The following SLC5A1 variants were observed in gnomAD, a reference collection of about 807,000 sequenced individuals.
SLC5A1 encodes the protein sodium/glucose cotransporter 1.
Under a neutral mutation model 73.5 loss-of-function variants are expected in SLC5A1, and 42 were observed. That is an observed-to-expected ratio of 0.57 (90% CI 0.45 to 0.74). The LOEUF (loss-of-function observed/expected upper bound fraction) is 0.74, where lower values mean the gene tolerates loss of function less well. SLC5A1 is among the 30% of genes least tolerant of loss of function. SLC5A1 has a pLI of 0.00. For missense variants in SLC5A1, 634 were observed against 855.4 expected (o/e 0.74, Z 3.23); for synonymous variants, 300 against 317.4 (o/e 0.95, Z 0.58).
chr22:32,056,842 C>A (rs1353296473), intron 2 of SLC5A1, among the ~76,000 whole-genome samples: 1 of 152,152 alleles, frequency 6.6e-6, no homozygotes, highest in Admixed American at 6.5e-5. Flanking sequence ...AAGGAGAAAA[C>A]GATGACTCTG....
At chr22:32,091,882 G>T (rs1193427722) in intron 11 of SLC5A1, 120 bp downstream of exon 11, 6 of 952,136 alleles carry the variant, frequency 6.3e-6, no homozygotes, top group Admixed American at 1.8e-5. Context: ...AATTTCTGTG[G>T]CTGGTTATAT....
At chr22:32,082,083 A>C (rs1320227398) in intron 6 of SLC5A1, 112 bp downstream of exon 6, 1 of 775,772 alleles carries the variant, frequency 1.3e-6, no homozygotes, top group East Asian at 2.5e-5. Flanking sequence ...AGATACACTC[A>C]GGTAAGAGTT....
intron 11 of SLC5A1, among the ~76,000 whole-genome samples, chr22:32,096,339 C>T (rs139391743): frequency 6.6e-6 from 1 of 152,164 alleles, no homozygotes; most frequent in Non-Finnish European, 1.5e-5. Context: ...TAAATCCAAA[C>T]AGTCTGGACA....
chr22:32,055,180 T>C (rs2093949980), intron 2 of SLC5A1, among the ~76,000 whole-genome samples: 1 of 152,170 alleles, frequency 6.6e-6, no homozygotes, highest in African/African-American at 2.4e-5. Context: ...CTTTGTTTCT[T>C]TGGGCAAGGA....
intron 2 of SLC5A1, among the ~76,000 whole-genome samples, chr22:32,061,713 G>A (rs570055839): frequency 1.3e-5 from 2 of 152,156 alleles, no homozygotes; most frequent in African/African-American, 4.8e-5. Flanking sequence ...TAGGTCCTCC[G>A]TACTGCCAAG....
At chr22:32,060,096 C>CAT (rs1277521843) in intron 2 of SLC5A1, among the ~76,000 whole-genome samples, 2 of 149,074 alleles carry the variant, frequency 1.3e-5, no homozygotes, top group South Asian at 4.2e-4. Context: ...TATACACACA[C>CAT]ATATATATAC....
chr22:32,080,866 C>T (rs375556968), intron 5 of SLC5A1, among the ~76,000 whole-genome samples: 3 of 152,060 alleles, frequency 2.0e-5, no homozygotes, highest in East Asian at 1.9e-4. Flanking sequence ...TGGTGGTGCA[C>T]ACATGTAATC....
At chr22:32,067,354 A>T (rs2105866) in intron 3 of SLC5A1, among the ~76,000 whole-genome samples, 1,510 of 149,742 alleles carry the variant, frequency 0.01, 18 homozygotes, top group Middle Eastern at 0.045. Flanking sequence ...TATTATTATT[A>T]TTTTTTTTAA....
chr22:32,051,008 CAGGGGCTGAGCTTCGA>C, intron 2 of SLC5A1, among the ~76,000 whole-genome samples: 1 of 152,326 alleles, frequency 6.6e-6, no homozygotes, highest in East Asian at 1.9e-4. Context: ...CTGTGAAGCT[CAGGGGCTGAGCTTCGA>C]AGGGGAATTC....
intron 10 of SLC5A1, 136 bp from the exon 11 acceptor site, chr22:32,091,476 A>C: frequency 1.0e-6 from 1 of 971,318 alleles, no homozygotes; most frequent in Non-Finnish European, 1.6e-6. Flanking sequence ...TAAAGCTTCT[A>C]GTCTTTTTGG....
In SLC5A1 at chr22:32,111,652, C is replaced by T. The variant is rs1341518286; in HGVS notation, c.*1439C>T. 1 of 152,078 alleles carries T rather than the reference C, an allele frequency of 6.6e-6. No individual in the cohort carries two copies. The highest frequency in any genetic ancestry group is 2.4e-5 in the African/African-American group (1 of 41,382). The allele number at this position is 152,078 out of a possible 1,614,324, so 9.4% of individuals were successfully genotyped here. A position where few individuals can be genotyped will look rare whatever the true frequency, so the allele number is the denominator to read the frequency against. On this transcript the variant is annotated 3_prime_UTR_variant, in exon 15 of 15. Transcript: ENST00000266088. Reference sequence around the variant, plus strand: ...GAGGCAAGGCAGGGTAGGGCAGGGCCTTTGGGTAGGCTGATCAGAGGGTTT... The same window carrying T: ...GAGGCAAGGCAGGGTAGGGCAGGGCTTTTGGGTAGGCTGATCAGAGGGTTT...
Position 32,095,667 on chromosome 22 carries a change from C to T in SLC5A1, c.1281-3516C>T, listed in dbSNP as rs146105028. On this transcript the variant is annotated intron_variant, in intron 11 of 14. Transcript: ENST00000266088. ...GAAACGTTAAAGAATATAAGAAGAG[C>T]TACTTGTGCTCACTTTTGGTATCCA... Among the ~76,000 whole-genome samples, 769 of 152,272 alleles carry T rather than the reference C, an allele frequency of 5.1e-3. 4 individuals carry two copies. The highest frequency in any genetic ancestry group is 0.017 in the Middle Eastern group (5 of 294).
chr22:32,094,309 G>A (rs1329367621), intron 11 of SLC5A1, among the ~76,000 whole-genome samples: 1 of 151,898 alleles, frequency 6.6e-6, no homozygotes, highest in Admixed American at 6.6e-5. Context: ...GTCTTTTTTT[G>A]TTATGTCCTT....
chr22:32,053,555 T>C (rs1292857739), intron 2 of SLC5A1, among the ~76,000 whole-genome samples: 3 of 152,188 alleles, frequency 2.0e-5, no homozygotes, highest in African/African-American at 4.8e-5. Flanking sequence ...TAGGCATCAA[T>C]TGATTGATGT....
chr22:32,058,333 T>G (rs1448437181), intron 2 of SLC5A1, among the ~76,000 whole-genome samples: 1 of 152,210 alleles, frequency 6.6e-6, no homozygotes, highest in African/African-American at 2.4e-5. Flanking sequence ...ACCAGCCTAG[T>G]CAATATAGCG....
chr22:32,059,415 C>A, intron 2 of SLC5A1: 2 of 879,572 alleles, frequency 2.3e-6, no homozygotes, highest in Non-Finnish European at 2.7e-6. Flanking sequence ...CTTTATTCTG[C>A]AGATGAGGGA....
intron 1 of SLC5A1, among the ~76,000 whole-genome samples, chr22:32,046,407 A>G (rs924546387): frequency 2.7e-5 from 4 of 147,852 alleles, no homozygotes; most frequent in African/African-American, 1.0e-4. Context: ...TCTTTAGATC[A>G]TTTGACAAAA....
intron 11 of SLC5A1, among the ~76,000 whole-genome samples, chr22:32,092,343 T>C (rs1026535632): frequency 1.3e-5 from 2 of 152,222 alleles, no homozygotes; most frequent in African/African-American, 4.8e-5. Flanking sequence ...CTTTATCCAC[T>C]TGTTGATTGA....
intron 5 of SLC5A1, among the ~76,000 whole-genome samples, chr22:32,077,774 C>G (rs1292090013): frequency 6.6e-6 from 1 of 152,164 alleles, no homozygotes; most frequent in Non-Finnish European, 1.5e-5. Context: ...AAGGTGAATG[C>G]TGTCTTGAAC....
Sources: gnomAD v4.1 joint callset for allele counts (sites outside exome capture counted in the v4.1 genomes callset) on GRCh38, gnomAD v4.1.1 for gene constraint, MANE v1.5 for transcripts, NCBI Gene and HGNC (gene_info 2026-07-23, HGNC 2026-07-21) for gene names.